CPS1: variants seen among roughly 807,000 people sequenced by gnomAD.
The protein encoded by CPS1 is carbamoyl-phosphate synthase 1, also known as carbamoyl-phosphate synthase [ammonia], mitochondrial.
A neutral mutation model predicts 174.6 loss-of-function variants in CPS1; 109 were observed. The observed-to-expected ratio is 0.62, with a 90% CI of 0.53 to 0.73. CPS1 has a LOEUF of 0.73. CPS1 is among the 30% of genes least tolerant of loss of function. The probability of loss-of-function intolerance (pLI) is 0.00; values close to 1 mark genes in which losing one functional copy is unlikely to be tolerated. For synonymous variants in CPS1, 637 were observed against 632.0 expected, an observed-to-expected ratio of 1.01 and a Z score of -0.12; for missense variants, 1,689 against 1,821.9, an observed-to-expected ratio of 0.93 and a Z score of 1.33.
At chr2:210,612,812 T>A (rs1699175015) in intron 20 of CPS1, among the ~76,000 whole-genome samples, 1 of 151,992 alleles carries the variant, frequency 6.6e-6, no homozygotes, top group East Asian at 1.9e-4. Flanking sequence ...GTTTTCCATG[T>A]AATTATTTTA....
In CPS1 at chr2:210,577,487, G is replaced by C; in HGVS notation, c.448G>C (p.Gly150Arg). ...YNHWLATKSL[G>R]QWLQEEKVPA... ...CCACTGGCTGGCTACCAAGAGTTTA[G>C]GGCAATGGCTACAGGAAGAAAAGGT... Residue 150 changes from glycine (G) to arginine (R), a missense_variant, in exon 4 of 38, where the codon GGG becomes CGG. Transcript: ENST00000233072. The C allele has an allele frequency of 6.2e-7, 1 of 1,613,674 alleles. No individual in the cohort carries two copies. The highest frequency in any genetic ancestry group is 8.5e-7 in the Non-Finnish European group (1 of 1,179,738).
At chr2:210,551,769 G>T (rs1008325382), upstream of CPS1, among the ~76,000 whole-genome samples, 1 of 151,880 alleles carries the variant, frequency 6.6e-6, no homozygotes, top group African/African-American at 2.4e-5. Flanking sequence ...ATGCCAATTG[G>T]ATCTTAATGA....
In CPS1 at chr2:210,626,862, T is replaced by G. The variant is rs149949955; in HGVS notation, c.2687+10321T>G. ...ACAGGCATCTACTGTATATCTCCGG[T>G]GACCTTAAAGTACATTTCTATTATA... On this transcript the variant is annotated intron_variant, in intron 21 of 37. Coordinates refer to ENST00000233072, the MANE Select transcript of CPS1 (RefSeq NM_001875.5). Among the ~76,000 whole-genome samples the G allele has an allele frequency of 1.5e-3, 229 of 152,294 alleles. 2 individuals carry two copies. Among genetic ancestry groups the G allele is most frequent in the African/African-American group, 5.3e-3 (219 of 41,542 alleles).
At chr2:210,573,499 C>T (rs370896684) in intron 2 of CPS1, 92 bp downstream of exon 2, 47 of 960,754 alleles carry the variant, frequency 4.9e-5, no homozygotes, top group South Asian at 2.2e-4. Context: ...ATCACTGCAT[C>T]GTAGTAAGAC....
At chr2:210,668,144 C>A in intron 33 of CPS1, 42 bp from the exon 34 acceptor site, 2 of 1,396,714 alleles carry the variant, frequency 1.4e-6, no homozygotes, top group Non-Finnish European at 2.0e-6. Context: ...GTTGACTATT[C>A]TTTGCATCCT....
At chr2:210,596,539 A>G (rs1250742109) in intron 13 of CPS1, among the ~76,000 whole-genome samples, 1 of 151,922 alleles carries the variant, frequency 6.6e-6, no homozygotes, top group East Asian at 1.9e-4. Flanking sequence ...CACAGTCTCA[A>G]TGACTTTACT....
At chr2:210,596,316 G>A (rs1420125054) in intron 13 of CPS1, among the ~76,000 whole-genome samples, 2 of 151,890 alleles carry the variant, frequency 1.3e-5, no homozygotes, top group Non-Finnish European at 2.9e-5. Flanking sequence ...CCATTCGGAG[G>A]CAATGTGAGC....
intron 1 of CPS1, among the ~76,000 whole-genome samples, chr2:210,524,432 T>G (rs1307822630): frequency 6.6e-6 from 1 of 152,004 alleles, no homozygotes; most frequent in African/African-American, 2.4e-5. Flanking sequence ...GGAAATAAGA[T>G]TAGTCAAAGT....
intron 1 of CPS1, among the ~76,000 whole-genome samples, chr2:210,490,899 T>C (rs1313274690): frequency 1.3e-5 from 2 of 152,196 alleles, no homozygotes; most frequent in African/African-American, 2.4e-5. Flanking sequence ...TCTAGTTCTG[T>C]TTCTGCTTCA....
At position 210,491,307 on chromosome 2, in the gene CPS1, GTTTTTTTTTT is replaced by G. The variant is rs66825517; in HGVS notation, c.3+13563_3+13572del. ...GTAAAAGCATGTATTTGGTATCTGTGTTTTTTTTTTTTTTTTTTTTTTTTTTTTTTTGAGA... is the reference window on the plus strand; with the variant it reads ...GTAAAAGCATGTATTTGGTATCTGTGTTTTTTTTTTTTTTTTTTTTTGAGA... On this transcript the variant is annotated intron_variant, in intron 1 of 38. Transcript: ENST00000430249. Among the ~76,000 whole-genome samples the G allele has an allele frequency of 1.0e-3, 52 of 50,352 alleles. 1 individual carries two copies. The East Asian group carries it at 0.012, about 12-fold the overall frequency. 33.0% of individuals were successfully genotyped at this position (50,352 alleles called of 152,430 possible). A position where few individuals can be genotyped will look rare whatever the true frequency, so the allele number is the denominator to read the frequency against.
intron 28 of CPS1, among the ~76,000 whole-genome samples, chr2:210,652,347 T>A (rs1246965502): frequency 6.6e-6 from 1 of 152,210 alleles, no homozygotes; most frequent in African/African-American, 2.4e-5. Context: ...ATGAGTGTGC[T>A]GTAGTACACA....
intron 1 of CPS1, among the ~76,000 whole-genome samples, chr2:210,478,013 T>C (rs1186137213): frequency 6.6e-6 from 1 of 152,218 alleles, no homozygotes; most frequent in African/African-American, 2.4e-5. Flanking sequence ...TTTCCCCTAA[T>C]GATGGACATT....
chr2:210,644,912 C>G (rs1324875152), intron 25 of CPS1, among the ~76,000 whole-genome samples: 2 of 148,786 alleles, frequency 1.3e-5, no homozygotes, highest in East Asian at 3.9e-4. Context: ...ATTTTGGGAG[C>G]TTAATGGAAT....
intron 1 of CPS1, among the ~76,000 whole-genome samples, chr2:210,523,322 C>T (rs548167047): frequency 3.9e-5 from 6 of 152,014 alleles, no homozygotes; most frequent in South Asian, 2.1e-4. Flanking sequence ...AGGAATAACC[C>T]GAAAAGGTAA....
intron 1 of CPS1, among the ~76,000 whole-genome samples, chr2:210,510,598 A>G (rs1695437559): frequency 6.6e-6 from 1 of 152,248 alleles, no homozygotes; most frequent in Non-Finnish European, 1.5e-5. Flanking sequence ...TGAATAGGCA[A>G]CCTACAGAAT....
intron 1 of CPS1, among the ~76,000 whole-genome samples, chr2:210,502,502 A>G (rs1224357728): frequency 1.4e-5 from 2 of 148,090 alleles, no homozygotes; most frequent in African/African-American, 2.4e-5. Context: ...AAATATAGAG[A>G]TATATTTTTT....
intron 31 of CPS1, among the ~76,000 whole-genome samples, chr2:210,659,122 TTAAC>T (rs972211233): frequency 6.6e-6 from 1 of 152,218 alleles, no homozygotes; most frequent in African/African-American, 2.4e-5. Flanking sequence ...TCTACTTAGT[TTAAC>T]TAATCGGTAA....
At chr2:210,590,296 C>T (rs1184561732) in intron 8 of CPS1, 62 bp downstream of exon 8, 3 of 1,605,902 alleles carry the variant, frequency 1.9e-6, no homozygotes, top group Non-Finnish European at 2.6e-6. Flanking sequence ...GCTCTATACC[C>T]TCAAAGGGCT....
chr2:210,500,733 G>T (rs535069916), intron 1 of CPS1, among the ~76,000 whole-genome samples: 1 of 152,286 alleles, frequency 6.6e-6, no homozygotes, highest in Non-Finnish European at 1.5e-5. Context: ...CTGAGTGTTT[G>T]CAGTTTTCCA....
Sources: gnomAD v4.1 joint callset for allele counts (sites outside exome capture counted in the v4.1 genomes callset) on GRCh38, gnomAD v4.1.1 for gene constraint, MANE v1.5 for transcripts, NCBI Gene and HGNC (gene_info 2026-07-23, HGNC 2026-07-21) for gene names.